ANKRD10: variants seen among roughly 807,000 people sequenced by gnomAD.
ANKRD10 encodes ankyrin repeat domain 10.
A neutral mutation model predicts 27.0 loss-of-function variants in ANKRD10; 14 were observed. The observed-to-expected ratio is 0.52, with a 90% CI of 0.34 to 0.81. The LOEUF is 0.81. Ranked by LOEUF, ANKRD10 falls within the 40% of genes least tolerant of loss-of-function variation. The pLI is 0.01. For synonymous variants in ANKRD10, 250 were observed against 224.5 expected, an observed-to-expected ratio of 1.11 and a Z score of -1.01; for missense variants, 493 against 544.0, an observed-to-expected ratio of 0.91 and a Z score of 0.93.
In ANKRD10 at chr13:110,879,562, A is replaced by G. The variant is rs906709981; in HGVS notation, c.*75T>C. On this transcript the variant is annotated 3_prime_UTR_variant, in exon 6 of 6. Coordinates refer to ENST00000267339, the MANE Select transcript of ANKRD10 (RefSeq NM_017664.4). ...ACGTACAAGTTGTGACATTCGTTCAAGTTGCTGCTACATGGGTATTCTGAG... is the reference window on the plus strand; with the variant it reads ...ACGTACAAGTTGTGACATTCGTTCAGGTTGCTGCTACATGGGTATTCTGAG... The G allele has an allele frequency of 1.8e-5, 20 of 1,130,684 alleles. No homozygotes were observed. Among genetic ancestry groups the G allele is most frequent in the Non-Finnish European group, 2.6e-5 (20 of 781,098 alleles). 70.0% of individuals were successfully genotyped at this position (1,130,684 alleles called of 1,614,324 possible).
rs145078452 is a variant in ANKRD10 at position 110,911,133 on chromosome 13, G to A, written c.211-363C>T. Among the ~76,000 whole-genome samples, 480 of 152,304 alleles carry A rather than the reference G, an allele frequency of 3.2e-3. 2 individuals are homozygous for A. Among genetic ancestry groups the A allele is most frequent in the African/African-American group, 0.011 (453 of 41,570 alleles). On this transcript the variant is annotated intron_variant, in intron 1 of 5. Coordinates refer to ENST00000267339, the MANE Select transcript of ANKRD10 (RefSeq NM_017664.4). ...TGCACAGACTATTCTAAACAAAAACGTTAAAGGGATTGGTGGGTTAAAAAA... is the reference window on the plus strand; with the variant it reads ...TGCACAGACTATTCTAAACAAAAACATTAAAGGGATTGGTGGGTTAAAAAA...
chr13:110,892,711 T>C (rs1301845630), intron 4 of ANKRD10: 9 of 1,011,788 alleles, frequency 8.9e-6, no homozygotes, highest in Non-Finnish European at 1.1e-5. Context: ...AGTGGCAGAT[T>C]TTCTTTAATA....
At chr13:110,906,453 C>A (rs1167679030) in intron 2 of ANKRD10, among the ~76,000 whole-genome samples, 1 of 151,644 alleles carries the variant, frequency 6.6e-6, no homozygotes, top group African/African-American at 2.4e-5. Flanking sequence ...AGTAACCAAA[C>A]AAACAAGCCA....
At chr13:110,898,900 C>T (rs1320519916) in intron 3 of ANKRD10, among the ~76,000 whole-genome samples, 2 of 151,816 alleles carry the variant, frequency 1.3e-5, no homozygotes, top group African/African-American at 2.4e-5. Flanking sequence ...GTATTACAAG[C>T]GCCCACCACC....
In ANKRD10 at chr13:110,914,827, G is replaced by C. The variant is rs570168040; in HGVS notation, c.108C>G (p.Ala36=). ...TCTGCTGCAGCAGCGAGCAGAGCGT[G>C]GCCAGGTCCCCGTCGCGGCAGGCGC... The part of the protein sequence containing the change: ...LHRACRDGDL[A]TLCSLLQQTP... The change falls in exon 1 of 6, where the codon GCC becomes GCG. Residue 36 remains alanine (A), a synonymous_variant. Coordinates refer to ENST00000267339, the MANE Select transcript of ANKRD10 (RefSeq NM_017664.4). The C allele has an allele frequency of 3.2e-6, 5 of 1,586,084 alleles. No individual in the cohort carries two copies. In the South Asian group the frequency reaches 5.7e-5, roughly 18 times the overall value.
intron 4 of ANKRD10, among the ~76,000 whole-genome samples, chr13:110,884,129 A>AT (rs139772122): frequency 0.28 from 41,850 of 151,524 alleles, 7,074 homozygotes; most frequent in Non-Finnish European, 0.39. Context: ...AATTCAGCAG[A>AT]TTTTTTTTTA....
Position 110,879,660 on chromosome 13 carries a change from T to C in ANKRD10, c.1240A>G (p.Met414Val), listed in dbSNP as rs1005421501. Residue 414 changes from methionine (M) to valine (V), a missense_variant, in exon 6 of 6, where the codon ATG becomes GTG. Physicochemically the swap from Met to Val is conservative, Grantham distance 21. Transcript: ENST00000267339. ...ERYDSAVLGT[M>V]HLHHGS ...CTCTAGGAGCCGTGGTGCAGGTGCA[T>C]GGTGCCCAGCACGGCACTGTCGTAC... 2 of 1,613,142 alleles carry C rather than the reference T, an allele frequency of 1.2e-6. No homozygotes were observed. Among genetic ancestry groups the C allele is most frequent in the Non-Finnish European group, 1.7e-6 (2 of 1,179,616 alleles).
intron 5 of ANKRD10, 139 bp downstream of exon 5, chr13:110,883,559 C>A: frequency 7.1e-7 from 1 of 1,404,766 alleles, no homozygotes; most frequent in Non-Finnish European, 9.3e-7. Flanking sequence ...ATACTGATTC[C>A]TGCAACGACA....
At chr13:110,891,465 A>G (rs571589489) in intron 4 of ANKRD10, among the ~76,000 whole-genome samples, 42 of 152,342 alleles carry the variant, frequency 2.8e-4, no homozygotes, top group Non-Finnish European at 3.8e-4. Context: ...AAAATCTTGA[A>G]TTTGATAAAA....
At chr13:110,914,558 G>T in intron 1 of ANKRD10, 167 bp downstream of exon 1, 1 of 977,100 alleles carries the variant, frequency 1.0e-6, no homozygotes, top group South Asian at 5.0e-5. Context: ...TCCGGGCCGC[G>T]AGCGCTGCCG....
intron 3 of ANKRD10, chr13:110,894,417 A>AAAAAC (rs1254020136): frequency 3.1e-6 from 1 of 318,230 alleles, no homozygotes; most frequent in Non-Finnish European, 5.7e-6. Flanking sequence ...AAAAAAAAAA[A>AAAAAC]AAAAAAAAAA....
chr13:110,879,924 G>A lies in ANKRD10; in HGVS notation c.976C>T (p.Leu326Phe). The part of the protein sequence containing the change: ...GQPFPSSQGS[L>F]CISGTEEPEK... Reference sequence around the variant, plus strand: ...GGCTCCTCAGTCCCACTAATGCAGAGAGAACCCTGGCTACTCGGAAACGGC... The same window carrying A: ...GGCTCCTCAGTCCCACTAATGCAGAAAGAACCCTGGCTACTCGGAAACGGC... Residue 326 changes from leucine (L) to phenylalanine (F), a missense_variant, in exon 6 of 6, where the codon CTC becomes TTC. Transcript: ENST00000267339. 2 of 1,614,216 alleles carry A rather than the reference G, an allele frequency of 1.2e-6. No homozygotes were observed. Among genetic ancestry groups the A allele is most frequent in the East Asian group, 4.5e-5 (2 of 44,882 alleles).
intron 1 of ANKRD10, among the ~76,000 whole-genome samples, chr13:110,912,241 G>A (rs577148418): frequency 3.9e-5 from 6 of 152,202 alleles, no homozygotes; most frequent in Non-Finnish European, 7.3e-5. Flanking sequence ...CAAGAGGAGA[G>A]ACCTCACCTG....
chr13:110,900,784 A>C, intron 3 of ANKRD10: 1 of 826,610 alleles, frequency 1.2e-6, no homozygotes, highest in Non-Finnish European at 1.8e-6. Flanking sequence ...AGGAAACTTA[A>C]ATAATAAGGG....
chr13:110,906,809 A>G (rs900973799), intron 2 of ANKRD10, among the ~76,000 whole-genome samples: 1 of 152,202 alleles, frequency 6.6e-6, no homozygotes, highest in African/African-American at 2.4e-5. Flanking sequence ...CCTGGTTCAG[A>G]AAGTGCAGAG....
Position 110,879,666 on chromosome 13 carries a change from C to A in ANKRD10, c.1234G>T (p.Gly412Cys), listed in dbSNP as rs750585921. 1 of 1,613,444 alleles carries A rather than the reference C, an allele frequency of 6.2e-7. No individual in the cohort carries two copies. The highest frequency in any genetic ancestry group is 1.7e-5 in the Admixed American group (1 of 59,956). ...GAGCCGTGGTGCAGGTGCATGGTGCCCAGCACGGCACTGTCGTACCGCTCC... is the reference window on the plus strand; with the variant it reads ...GAGCCGTGGTGCAGGTGCATGGTGCACAGCACGGCACTGTCGTACCGCTCC... ...VQERYDSAVLGTMHLHHGS is the reference protein window; with the variant it reads ...VQERYDSAVLCTMHLHHGS The change falls in exon 6 of 6, where the codon GGC becomes TGC. Residue 412 changes from glycine to cysteine, a missense_variant. Physicochemically the swap from Gly to Cys is radical, Grantham distance 159. Coordinates refer to ENST00000267339, the MANE Select transcript of ANKRD10 (RefSeq NM_017664.4).
chr13:110,881,927 A>AC (rs1362336587), intron 5 of ANKRD10, among the ~76,000 whole-genome samples: 1 of 151,938 alleles, frequency 6.6e-6, no homozygotes, highest in African/African-American at 2.4e-5. Flanking sequence ...GCACATCACG[A>AC]CCTCCAACGC....
chr13:110,887,956 A>G (rs924932639), intron 4 of ANKRD10, among the ~76,000 whole-genome samples: 5 of 152,220 alleles, frequency 3.3e-5, no homozygotes, highest in African/African-American at 1.2e-4. Flanking sequence ...CCCACCAGCC[A>G]TTACCTGGAA....
intron 3 of ANKRD10, among the ~76,000 whole-genome samples, chr13:110,904,699 T>C (rs2065478992): frequency 6.6e-6 from 1 of 152,260 alleles, no homozygotes; most frequent in Non-Finnish European, 1.5e-5. Context: ...ATCATCTCAA[T>C]GTTCTACTAG....
Sources: allele counts gnomAD v4.1 joint callset (sites outside exome capture counted in the v4.1 genomes callset), GRCh38; gene constraint gnomAD v4.1.1; transcripts MANE v1.5; gene names NCBI Gene and HGNC (gene_info 2026-07-23, HGNC 2026-07-21).